The following KIF14 variants were observed in gnomAD, a reference collection of about 807,000 sequenced individuals.
KIF14 encodes kinesin-like protein KIF14.
In KIF14, 98 loss-of-function variants were observed where a neutral mutation model predicts 176.2. The ratio of observed to expected loss-of-function variants is 0.56; its 90% confidence interval spans 0.47 to 0.66. KIF14 has a LOEUF of 0.66. KIF14 is among the 30% of genes least tolerant of loss of function. The pLI, the probability that KIF14 is intolerant of heterozygous loss-of-function variation, is 0.00. For missense variants in KIF14, 1,751 were observed against 1,920.4 expected, an observed-to-expected ratio of 0.91 and a Z score of 1.65; for synonymous variants, 566 against 632.2, an observed-to-expected ratio of 0.90 and a Z score of 1.57.
chr1:200,553,919 TTGCTAGA>T (rs1268325826), intron 29 of KIF14, 152 bp from the exon 30 acceptor site: 26 of 707,920 alleles, frequency 3.7e-5, no homozygotes, highest in Non-Finnish European at 5.6e-5. Context: ...AAGTGTTTAT[TTGCTAGA>T]TGAGCACTTG....
intron 22 of KIF14, among the ~76,000 whole-genome samples, chr1:200,573,940 G>A (rs1295752997): frequency 1.3e-5 from 2 of 152,218 alleles, no homozygotes; most frequent in East Asian, 1.9e-4. Context: ...GAGGCGATAC[G>A]GCATAGCAGT....
intron 4 of KIF14, among the ~76,000 whole-genome samples, chr1:200,613,766 G>GGA (rs1660272036): frequency 6.9e-6 from 1 of 144,766 alleles, no homozygotes; most frequent in African/African-American, 2.5e-5. Context: ...GAAAATTTGA[G>GGA]AAAAAAAAAA....
intron 22 of KIF14, among the ~76,000 whole-genome samples, chr1:200,572,421 T>C (rs945989754): frequency 5.9e-5 from 9 of 152,182 alleles, no homozygotes; most frequent in Non-Finnish European, 1.0e-4. Flanking sequence ...CTTGGCTCAC[T>C]GCAAGCTCTG....
intron 22 of KIF14, 68 bp from the exon 23 acceptor site, chr1:200,570,073 ATAAG>A: frequency 1.4e-6 from 1 of 739,858 alleles, no homozygotes; most frequent in Non-Finnish European, 2.2e-6. Flanking sequence ...AAGAATATTT[ATAAG>A]TTCTCTAAAG....
intron 17 of KIF14, 52 bp from the exon 18 acceptor site, chr1:200,589,421 G>A: frequency 4.8e-6 from 7 of 1,456,772 alleles, no homozygotes; most frequent in Non-Finnish European, 6.5e-6. Flanking sequence ...TAGCAAAAAA[G>A]TACAAAAGTC....
intron 22 of KIF14, among the ~76,000 whole-genome samples, chr1:200,573,341 A>G (rs1657915487): frequency 6.6e-6 from 1 of 151,050 alleles, no homozygotes; most frequent in African/African-American, 2.4e-5. Flanking sequence ...AGAACCCAGG[A>G]TGCTGATATC....
intron 21 of KIF14, among the ~76,000 whole-genome samples, chr1:200,579,615 A>AAT (rs910102302): frequency 3.3e-5 from 5 of 151,644 alleles, no homozygotes; most frequent in East Asian, 1.9e-4. Flanking sequence ...ATTTCAAAAA[A>AAT]ATATATATAT....
chr1:200,553,420 C>T lies in KIF14; in HGVS notation c.4915G>A (p.Glu1639Lys). 1 of 1,613,422 alleles carries T rather than the reference C, an allele frequency of 6.2e-7. No individual in the cohort carries two copies. The highest frequency in any genetic ancestry group is 1.1e-5 in the South Asian group (1 of 90,934). ...HGSSPAVSSE[E>K]CTPSRIQWV ...CACTGAATCCTACTGGGTGTGCATTCCTCTGAGCTCACTGCTGGGGATGAG... is the reference window on the plus strand; with the variant it reads ...CACTGAATCCTACTGGGTGTGCATTTCTCTGAGCTCACTGCTGGGGATGAG... Residue 1639 changes from glutamate to lysine, a missense_variant, in exon 30 of 30, where the codon GAA becomes AAA. Physicochemically the swap from Glu to Lys is moderately conservative, Grantham distance 56. Coordinates refer to ENST00000367350, the MANE Select transcript of KIF14 (RefSeq NM_014875.3).
rs1660510236 is a variant in KIF14 at position 200,618,261 on chromosome 1, C to G, written c.463G>C (p.Gly155Arg). The G allele has an allele frequency of 1.2e-6, 2 of 1,613,722 alleles. No homozygotes were observed. Among genetic ancestry groups the G allele is most frequent in the East Asian group, 4.5e-5 (2 of 44,878 alleles). Residue 155 changes from glycine to arginine, a missense_variant, in exon 2 of 30, where the codon GGT (glycine) becomes CGT (arginine). By Grantham distance (125) the Gly-to-Arg change is moderately radical. Coordinates refer to ENST00000367350, the MANE Select transcript of KIF14 (RefSeq NM_014875.3). ...LNVGGETENN[G>R]VSKESRTNVR... ...TTTGTTCTACTTTCCTTAGAAACAC[C>G]ATTATTTTCTGTTTCACCTCCCACA...
rs1450938873 is a variant in KIF14, at chr1:200,552,887, T to C, written c.*501A>G. 1.3e-5 allele frequency: 2 copies of C among 148,740 alleles called. No individual in the cohort carries two copies. Among genetic ancestry groups the C allele is most frequent in the Non-Finnish European group, 1.5e-5 (1 of 67,894 alleles). 9.2% of individuals were successfully genotyped at this position (148,740 alleles called of 1,614,324 possible). On this transcript the variant is annotated 3_prime_UTR_variant, in exon 30 of 30. Transcript: ENST00000367350. ...GAACCAACTACAGACAGTATACCAA[T>C]GTTAAACACTTTAAAGATAAAAATA...
At chr1:200,588,965 T>C (rs1418784535) in intron 18 of KIF14, among the ~76,000 whole-genome samples, 1 of 152,228 alleles carries the variant, frequency 6.6e-6, no homozygotes, top group Non-Finnish European at 1.5e-5. Flanking sequence ...GATGACCAGA[T>C]AGTTGTAGAT....
chr1:200,593,927 G>GGTTT (rs1659182569), intron 14 of KIF14, among the ~76,000 whole-genome samples, 158 bp from the exon 15 acceptor site: 2 of 100,528 alleles, frequency 2.0e-5, no homozygotes, highest in African/African-American at 4.0e-5. Flanking sequence ...CCTCCAACTA[G>GGTTT]TTTTTTTTTT....
Position 200,565,083 on chromosome 1 carries a change from G to C in KIF14, c.4057C>G (p.Gln1353Glu), listed in dbSNP as rs758114929. The C allele has an allele frequency of 2.5e-5, 40 of 1,608,066 alleles. No homozygotes were observed. Among genetic ancestry groups the C allele is most frequent in the Admixed American group, 1.7e-4 (10 of 58,162 alleles). ...QEVKKLGGYL[Q>E]LFLQGCCLDI... ...AATCAATTTACCTGCAAAAATAACTGTAAGTAGCCTCCCAGTTTTTTAACT... is the reference window on the plus strand; with the variant it reads ...AATCAATTTACCTGCAAAAATAACTCTAAGTAGCCTCCCAGTTTTTTAACT... The change falls in exon 25 of 30, where the codon CAG (glutamine) becomes GAG (glutamate). Residue 1353 changes from glutamine to glutamate, a missense_variant. Coordinates refer to ENST00000367350, the MANE Select transcript of KIF14 (RefSeq NM_014875.3).
intron 6 of KIF14, 92 bp downstream of exon 6, chr1:200,606,654 G>T: frequency 1.8e-6 from 2 of 1,111,992 alleles, no homozygotes; most frequent in Non-Finnish European, 2.7e-6. Context: ...AGTTAGGAAG[G>T]CCAATGAGAA....
rs138683636 is a variant in KIF14 at position 200,618,044 on chromosome 1, G to C, written c.680C>G (p.Thr227Ser). Residue 227 changes from threonine (T) to serine (S), a missense_variant, in exon 2 of 30, where the codon ACT (threonine) becomes AGT (serine). Transcript: ENST00000367350. The part of the protein sequence containing the change: ...NRPPIASLSQ[T>S]EVVRSGHLTT... Reference sequence around the variant, plus strand: ...CAAGTGTCCTGATCTAACAACTTCAGTCTGACTCAGGGAAGCAATGGGTGG... The same window carrying C: ...CAAGTGTCCTGATCTAACAACTTCACTCTGACTCAGGGAAGCAATGGGTGG... 16 of 1,613,990 alleles carry C rather than the reference G, an allele frequency of 9.9e-6. No individual in the cohort carries two copies. In the African/African-American group the frequency reaches 2.0e-4, roughly 20 times the overall value.
At position 200,600,341 on chromosome 1, in the gene KIF14, C is replaced by G. The variant is rs903217116; in HGVS notation, c.2300+15G>C. ...AGCAACACACTTAACATTTAGAGTA[C>G]TGACTGTACTCTACCTTTGCATTTC... On this transcript the variant is annotated intron_variant, in intron 12 of 29. Transcript: ENST00000367350. 1 of 1,610,810 alleles carries G rather than the reference C, an allele frequency of 6.2e-7. No individual in the cohort carries two copies. The highest frequency in any genetic ancestry group is 8.5e-7 in the Non-Finnish European group (1 of 1,177,048).
intron 27 of KIF14, among the ~76,000 whole-genome samples, chr1:200,556,991 T>A (rs1190125234): frequency 6.6e-6 from 1 of 152,046 alleles, no homozygotes; most frequent in East Asian, 1.9e-4. Context: ...TGTTTTTACT[T>A]TTATTTTTTA....
intron 4 of KIF14, among the ~76,000 whole-genome samples, chr1:200,609,290 G>T (rs145699555): frequency 1.7e-3 from 255 of 152,274 alleles, no homozygotes; most frequent in Non-Finnish European, 1.0e-3. Flanking sequence ...CTCCTCCATT[G>T]CTAGTGGATG....
chr1:200,580,139 T>C (rs1374784731), intron 21 of KIF14, 115 bp downstream of exon 21: 1 of 481,404 alleles, frequency 2.1e-6, no homozygotes, highest in Admixed American at 4.5e-5. Context: ...CCAAATTTTC[T>C]ATATGGAGAA....
Sources: gnomAD v4.1 joint callset for allele counts (sites outside exome capture counted in the v4.1 genomes callset) on GRCh38, gnomAD v4.1.1 for gene constraint, MANE v1.5 for transcripts, NCBI Gene and HGNC (gene_info 2026-07-23, HGNC 2026-07-21) for gene names.